Variants in CAMTA1 observed in about 807,000 individuals in gnomAD.
CAMTA1 encodes calmodulin-binding transcription activator 1.
Under a neutral mutation model 170.9 loss-of-function variants are expected in CAMTA1, and 27 were observed. The observed-to-expected ratio is 0.16, with a 90% confidence interval of 0.12 to 0.22. CAMTA1 has a LOEUF of 0.22. Among genes scored for constraint, CAMTA1 ranks in the 10% least tolerant of loss-of-function variants. CAMTA1 has a pLI of 1.00. For missense variants in CAMTA1, 1,619 were observed against 2,217.2 expected (o/e 0.73, Z 5.42); for synonymous variants, 833 against 891.5 (o/e 0.93, Z 1.17).
chr1:7,120,935 A>G (rs1644604376), intron 4 of CAMTA1, among the ~76,000 whole-genome samples: 1 of 152,232 alleles, frequency 6.6e-6, no homozygotes, highest in African/African-American at 2.4e-5. Context: ...TTATCTTTCA[A>G]AGAGAGTCGG....
chr1:7,054,994 G>T (rs1246632292), intron 3 of CAMTA1, among the ~76,000 whole-genome samples: 1 of 152,090 alleles, frequency 6.6e-6, no homozygotes, highest in Non-Finnish European at 1.5e-5. Context: ...GCAAGAGAGA[G>T]AGTGGGGAGG....
At chr1:6,882,711 A>G (rs1010132436) in intron 3 of CAMTA1, among the ~76,000 whole-genome samples, 8 of 152,006 alleles carry the variant, frequency 5.3e-5, no homozygotes, top group Non-Finnish European at 8.8e-5. Context: ...CTGGAGCTAG[A>G]TTTTGAGTGT....
At chr1:7,267,731 T>G (rs1669140417) in intron 5 of CAMTA1, among the ~76,000 whole-genome samples, 1 of 152,190 alleles carries the variant, frequency 6.6e-6, no homozygotes, top group South Asian at 2.1e-4. Flanking sequence ...GATGAGTCAT[T>G]TGCTGAGATG....
intron 5 of CAMTA1, among the ~76,000 whole-genome samples, chr1:7,327,913 G>A (rs966525656): frequency 1.3e-5 from 2 of 152,004 alleles, no homozygotes; most frequent in African/African-American, 2.4e-5. Context: ...AGATTGTTTT[G>A]CTGAATATAC....
chr1:7,223,434 A>G (rs1166862210), intron 4 of CAMTA1, among the ~76,000 whole-genome samples: 2 of 151,658 alleles, frequency 1.3e-5, no homozygotes, highest in Non-Finnish European at 1.5e-5. Flanking sequence ...TAACAGGGAG[A>G]GTCTTGAGAA....
chr1:7,154,884 G>A (rs367704590), intron 4 of CAMTA1, among the ~76,000 whole-genome samples: 4 of 152,334 alleles, frequency 2.6e-5, no homozygotes, highest in South Asian at 4.1e-4. Flanking sequence ...GAGCAGGTCT[G>A]TTTCCCTGCA....
intron 4 of CAMTA1, among the ~76,000 whole-genome samples, chr1:7,227,503 A>AT (rs1477433987): frequency 1.3e-5 from 2 of 151,638 alleles, no homozygotes; most frequent in Non-Finnish European, 2.9e-5. Context: ...AATTTTTTGT[A>AT]TTTTTAGTAG....
intron 3 of CAMTA1, among the ~76,000 whole-genome samples, chr1:6,828,276 T>G (rs1648018221): frequency 6.7e-6 from 1 of 149,044 alleles, no homozygotes; most frequent in Non-Finnish European, 1.5e-5. Flanking sequence ...GAGATTGTGC[T>G]CATTCCATCC....
At chr1:7,112,004 C>T (rs1644086626) in intron 4 of CAMTA1, among the ~76,000 whole-genome samples, 1 of 152,048 alleles carries the variant, frequency 6.6e-6, no homozygotes. Flanking sequence ...GAGTGGCCAC[C>T]GTCACTATGG....
At chr1:7,465,129 A>C (rs1290102700) in intron 5 of CAMTA1, among the ~76,000 whole-genome samples, 1 of 152,128 alleles carries the variant, frequency 6.6e-6, no homozygotes, top group Non-Finnish European at 1.5e-5. Context: ...CAAAACTTAA[A>C]CATTGACCGT....
chr1:7,746,132 A>T, intron 18 of CAMTA1, 41 bp downstream of exon 18: 1 of 1,599,820 alleles, frequency 6.3e-7, no homozygotes, highest in Non-Finnish European at 8.6e-7. Flanking sequence ...CATTCTTAAG[A>T]TCAGAGAGGA....
chr1:6,817,056 A>G (rs1306573670), intron 1 of CAMTA1, among the ~76,000 whole-genome samples: 2 of 152,078 alleles, frequency 1.3e-5, no homozygotes, highest in Admixed American at 1.3e-4. Context: ...TTTGTCTATG[A>G]TATTTCTGTG....
At chr1:7,070,310 T>C in intron 3 of CAMTA1, among the ~76,000 whole-genome samples, 1 of 152,250 alleles carries the variant, frequency 6.6e-6, no homozygotes, top group East Asian at 1.9e-4. Context: ...CGGGAATTCA[T>C]GAAGGAGCCT....
At chr1:7,493,327 G>A (rs867661304) in intron 6 of CAMTA1, among the ~76,000 whole-genome samples, 2 of 126,922 alleles carry the variant, frequency 1.6e-5, no homozygotes, top group Non-Finnish European at 3.3e-5. Context: ...ACAAACCTAC[G>A]TACACACACA....
chr1:7,282,058 C>A (rs934762631), intron 5 of CAMTA1, among the ~76,000 whole-genome samples: 1 of 152,082 alleles, frequency 6.6e-6, no homozygotes, highest in Non-Finnish European at 1.5e-5. Flanking sequence ...TTTAGTTCAG[C>A]CCTTTATTTT....
intron 4 of CAMTA1, among the ~76,000 whole-genome samples, chr1:7,243,744 GT>G (rs1048818770): frequency 6.6e-6 from 1 of 152,146 alleles, no homozygotes; most frequent in East Asian, 1.9e-4. Flanking sequence ...CTTTAAAGTA[GT>G]TTTTTTCCAA....
At chr1:6,915,306 A>G (rs774925026) in intron 3 of CAMTA1, among the ~76,000 whole-genome samples, 8 of 152,216 alleles carry the variant, frequency 5.3e-5, no homozygotes, top group East Asian at 1.9e-4. Flanking sequence ...CAAACTTGGA[A>G]AATAATTTTT....
intron 3 of CAMTA1, among the ~76,000 whole-genome samples, chr1:6,882,370 A>G (rs905724178): frequency 9.2e-5 from 14 of 152,230 alleles, no homozygotes; most frequent in African/African-American, 3.4e-4. Flanking sequence ...GGATAGAAGT[A>G]GGGAGACCAG....
At chr1:7,031,027 T>A (rs1013924483) in intron 3 of CAMTA1, among the ~76,000 whole-genome samples, 3 of 120,056 alleles carry the variant, frequency 2.5e-5, no homozygotes, top group Non-Finnish European at 5.3e-5. Context: ...TTTTTTTTTT[T>A]AGTAGAGACA....
Sources: allele counts gnomAD v4.1 joint callset (sites outside exome capture counted in the v4.1 genomes callset), GRCh38; gene constraint gnomAD v4.1.1; transcripts MANE v1.5; gene names NCBI Gene and HGNC (gene_info 2026-07-23, HGNC 2026-07-21).